The following ARID1B variants were observed in gnomAD, a reference collection of about 807,000 sequenced individuals.
The protein encoded by ARID1B is AT-rich interaction domain 1B.
In ARID1B, 30 loss-of-function variants were observed where a neutral mutation model predicts 212.3. The observed-to-expected ratio is 0.14, with a 90% confidence interval of 0.11 to 0.19. The LOEUF is 0.19. ARID1B is among the 10% of genes least tolerant of loss of function. The pLI is 1.00. For missense variants in ARID1B, 2,891 were observed against 3,204.0 expected, an observed-to-expected ratio of 0.90 and a Z score of 2.36; for synonymous variants, 1,402 against 1,301.7, an observed-to-expected ratio of 1.08 and a Z score of -1.66.
chr6:157,002,600 G>A (rs1778972388), intron 4 of ARID1B, among the ~76,000 whole-genome samples: 1 of 152,150 alleles, frequency 6.6e-6, no homozygotes, highest in Non-Finnish European at 1.5e-5. Flanking sequence ...ATTTGTCCTT[G>A]GGAAATGCCT....
intron 3 of ARID1B, among the ~76,000 whole-genome samples, chr6:156,928,504 T>A (rs995876120): frequency 6.6e-6 from 1 of 152,158 alleles, no homozygotes; most frequent in African/African-American, 2.4e-5. Context: ...CTTGACCCGA[T>A]GAGTGCAAGG....
chr6:156,842,209 G>C (rs1179792717), intron 2 of ARID1B, among the ~76,000 whole-genome samples: 1 of 152,174 alleles, frequency 6.6e-6, no homozygotes, highest in Non-Finnish European at 1.5e-5. Context: ...CACCTCCTCT[G>C]TCTAGTTCCA....
chr6:157,147,375 G>T (rs867101811), intron 7 of ARID1B, among the ~76,000 whole-genome samples: 6 of 31,002 alleles, frequency 1.9e-4, no homozygotes, highest in Non-Finnish European at 3.2e-4. Context: ...CTGCCCGCCA[G>T]CCCTCACCCC....
chr6:157,151,416 G>A (rs1045494231), intron 8 of ARID1B: 4 of 152,116 alleles, frequency 2.6e-5, no homozygotes, highest in African/African-American at 4.8e-5. Flanking sequence ...CCAAGCAAAT[G>A]TCTGTGCCAA....
chr6:157,183,016 C>A (rs1453244995), intron 12 of ARID1B, among the ~76,000 whole-genome samples: 1 of 152,122 alleles, frequency 6.6e-6, no homozygotes, highest in Non-Finnish European at 1.5e-5. Flanking sequence ...TATATATAAC[C>A]AGGCTGGGTC....
intron 4 of ARID1B, among the ~76,000 whole-genome samples, 165 bp from the exon 5 acceptor site, chr6:157,084,497 T>TGACCTCA (rs1429421882): frequency 6.6e-6 from 1 of 152,198 alleles, no homozygotes; most frequent in Non-Finnish European, 1.5e-5. Context: ...AACTTACAAA[T>TGACCTCA]GACCTCATTA....
At chr6:156,913,217 C>CTTTTTTTTTTTTTTT (rs372967890) in intron 3 of ARID1B, among the ~76,000 whole-genome samples, 1 of 129,036 alleles carries the variant, frequency 7.7e-6, no homozygotes, top group South Asian at 2.4e-4. Flanking sequence ...TTTTCTTTTT[C>CTTTTTTTTTTTTTTT]TTTTTTTTTT....
intron 11 of ARID1B, among the ~76,000 whole-genome samples, chr6:157,178,885 A>G (rs1244506668): frequency 2.6e-5 from 4 of 151,960 alleles, no homozygotes; most frequent in Non-Finnish European, 4.4e-5. Context: ...ATCCAGAACC[A>G]CTCCCCAGTT....
At chr6:156,947,046 C>T (rs2128297691) in intron 4 of ARID1B, among the ~76,000 whole-genome samples, 1 of 152,284 alleles carries the variant, frequency 6.6e-6, no homozygotes, top group South Asian at 2.1e-4. Flanking sequence ...GGTATTGTAG[C>T]AGACTGTGTA....
At chr6:156,926,208 C>T (rs1207642732) in intron 3 of ARID1B, among the ~76,000 whole-genome samples, 2 of 152,090 alleles carry the variant, frequency 1.3e-5, no homozygotes, top group East Asian at 3.9e-4. Flanking sequence ...ACAAGGATCA[C>T]TGAGTCAACA....
intron 8 of ARID1B, among the ~76,000 whole-genome samples, chr6:157,162,345 A>G (rs544392279): frequency 1.3e-5 from 2 of 152,398 alleles, no homozygotes; most frequent in Non-Finnish European, 2.9e-5. Context: ...TTCTGTTTTC[A>G]CACTGAACCA....
Position 157,148,690 on chromosome 6 carries a change from G to A in ARID1B, c.2828G>A (p.Gly943Asp), listed in dbSNP as rs1293969778. The change falls in exon 8 of 20, where the codon GGT (glycine) becomes GAT (aspartate). Residue 943 changes from glycine to aspartate, a missense_variant. Physicochemically the swap from Gly to Asp is moderately conservative, Grantham distance 94 (BLOSUM62 -1). Transcript: ENST00000636930. This position sits in a 1 kb window ranked among gnomAD's most constrained non-coding sequence, Gnocchi z 5.6. ...GCAAGCTACAGCGGCCCAGGGCCCGGTATGGGTATCAGTGCCAACAACCAG... is the reference window on the plus strand; with the variant it reads ...GCAAGCTACAGCGGCCCAGGGCCCGATATGGGTATCAGTGCCAACAACCAG... ...PSASYSGPGP[G>D]MGISANNQMH... The A allele has an allele frequency of 1.2e-6, 2 of 1,612,798 alleles. No homozygotes were observed. Among genetic ancestry groups the A allele is most frequent in the Non-Finnish European group, 1.7e-6 (2 of 1,179,652 alleles).
intron 4 of ARID1B, among the ~76,000 whole-genome samples, chr6:157,083,176 A>G (rs1784743507): frequency 6.6e-6 from 1 of 152,208 alleles, no homozygotes; most frequent in South Asian, 2.1e-4. Context: ...CAGAAGTCCC[A>G]GTTGCAAGCA....
chr6:156,984,246 G>A (rs959446395), intron 4 of ARID1B, among the ~76,000 whole-genome samples: 5 of 152,160 alleles, frequency 3.3e-5, no homozygotes. Context: ...GAATGAGGGA[G>A]CCATGGCAGG....
chr6:156,849,186 G>T (rs1784419900), intron 2 of ARID1B, among the ~76,000 whole-genome samples: 1 of 152,084 alleles, frequency 6.6e-6, no homozygotes, highest in African/African-American at 2.4e-5. Context: ...ATTCTAAATT[G>T]TTGCCTCGAT....
chr6:156,953,627 C>T (rs1306938619), intron 4 of ARID1B, among the ~76,000 whole-genome samples: 1 of 152,076 alleles, frequency 6.6e-6, no homozygotes, highest in East Asian at 1.9e-4. Context: ...TATGTGGTAC[C>T]GTCCGCCTCA....
intron 19 of ARID1B, chr6:157,204,694 C>G (rs1332005333): frequency 6.6e-6 from 1 of 152,136 alleles, no homozygotes; most frequent in African/African-American, 2.4e-5. Flanking sequence ...TAGCTTCCAG[C>G]ATAATAGCTA....
chr6:156,796,910 C>T (rs1041851319), intron 1 of ARID1B, among the ~76,000 whole-genome samples: 1 of 150,854 alleles, frequency 6.6e-6, no homozygotes, highest in African/African-American at 2.4e-5. Context: ...GGCCCAGCCT[C>T]ATGTGCTTTG....
At chr6:157,113,855 G>A (rs1787123315) in intron 6 of ARID1B, among the ~76,000 whole-genome samples, 1 of 152,194 alleles carries the variant, frequency 6.6e-6, no homozygotes. Context: ...ATTTCCTCCA[G>A]CACTGGGTAG....
Sources: allele counts gnomAD v4.1 joint callset (sites outside exome capture counted in the v4.1 genomes callset), GRCh38; gene constraint gnomAD v4.1.1; non-coding constraint Gnocchi (gnomAD v3.1); transcripts MANE v1.5; gene names NCBI Gene and HGNC (gene_info 2026-07-23, HGNC 2026-07-21).